Variants in ADCY9 observed in about 807,000 individuals in gnomAD.
ADCY9 encodes adenylate cyclase type 9.
A neutral mutation model predicts 101.5 loss-of-function variants in ADCY9; 50 were observed. That is an observed-to-expected ratio of 0.49 (90% CI 0.39 to 0.62). ADCY9 has a LOEUF of 0.62. ADCY9 is among the 20% of genes least tolerant of loss of function. ADCY9 has a pLI of 0.00. For missense variants in ADCY9, 1,662 were observed against 1,800.4 expected (o/e 0.92, Z 1.39); for synonymous variants, 905 against 769.3 (o/e 1.18, Z -2.92).
At chr16:3,983,044 C>G (rs758109750) in intron 7 of ADCY9, 188 bp downstream of exon 7, 2 of 627,864 alleles carry the variant, frequency 3.2e-6, no homozygotes, top group African/African-American at 1.8e-5. Flanking sequence ...CCCCCCGCAT[C>G]TGGGCCAACG....
intron 3 of ADCY9, among the ~76,000 whole-genome samples, chr16:3,999,770 G>A (rs886335783): frequency 1.3e-5 from 2 of 152,234 alleles, no homozygotes; most frequent in African/African-American, 4.8e-5. Context: ...GGGCTTTGGA[G>A]GGAAGAGTGT....
rs570362603 is a variant in ADCY9 at position 4,065,136 on chromosome 16, T to C, written c.1693+48614A>G. On this transcript the variant is annotated intron_variant, in intron 2 of 10. Coordinates refer to ENST00000294016, the MANE Select transcript of ADCY9 (RefSeq NM_001116.4). Reference sequence around the variant, plus strand: ...TCATGTGCCAGACCAGAAGCTACTATTGGAAAATGCCCCTCTCTCGTCATG... The same window carrying C: ...TCATGTGCCAGACCAGAAGCTACTACTGGAAAATGCCCCTCTCTCGTCATG... Among the ~76,000 whole-genome samples, 9 of 152,306 alleles carry C rather than the reference T, an allele frequency of 5.9e-5. No homozygotes were observed. The East Asian group carries it at 7.7e-4, about 13-fold the overall frequency.
chr16:4,007,619 T>TC, intron 2 of ADCY9, 61 bp from the exon 3 acceptor site: 2 of 1,408,532 alleles, frequency 1.4e-6, no homozygotes, highest in Non-Finnish European at 1.9e-6. Flanking sequence ...GAAACGCAGC[T>TC]CCGTCTTGCT....
chr16:4,055,392 G>A (rs2056730904), intron 2 of ADCY9, among the ~76,000 whole-genome samples: 1 of 151,794 alleles, frequency 6.6e-6, no homozygotes, highest in Non-Finnish European at 1.5e-5. Flanking sequence ...AAATTAGCTG[G>A]GCATAGTGGC....
At position 4,091,683 on chromosome 16, in the gene ADCY9, G is replaced by A. The variant is rs2141189621; in HGVS notation, c.1693+22067C>T. On this transcript the variant is annotated intron_variant, in intron 2 of 10. Transcript: ENST00000294016. Reference sequence around the variant, plus strand: ...CAACATGAATGAACCTTGGAAACATGCTGAGCGAGAGAATCCAGACACACA... The same window carrying A: ...CAACATGAATGAACCTTGGAAACATACTGAGCGAGAGAATCCAGACACACA... 2.0e-5 allele frequency among the ~76,000 whole-genome samples: 3 copies of A among 152,348 alleles called. No individual in the cohort carries two copies. The Middle Eastern group carries it at 0.01, about 518-fold the overall frequency.
At chr16:4,041,048 A>G (rs9926586) in intron 2 of ADCY9, among the ~76,000 whole-genome samples, 134,348 of 152,168 alleles carry the variant, frequency 0.88, 59,417 homozygotes, top group South Asian at 0.97. Flanking sequence ...CAGGAGATAA[A>G]GCAGAGAATC....
chr16:4,063,074 G>A, intron 2 of ADCY9, among the ~76,000 whole-genome samples: 1 of 152,146 alleles, frequency 6.6e-6, no homozygotes, highest in African/African-American at 2.4e-5. Context: ...ATATCGCATT[G>A]TCTAGAATGA....
At chr16:3,960,595 G>C (rs2055932069), downstream of ADCY9, among the ~76,000 whole-genome samples, 2 of 152,184 alleles carry the variant, frequency 1.3e-5, no homozygotes, top group South Asian at 4.1e-4. Context: ...TCTGGACAAA[G>C]TAACCATAAC....
At chr16:4,002,761 C>T (rs1284420357) in intron 3 of ADCY9, among the ~76,000 whole-genome samples, 4 of 152,220 alleles carry the variant, frequency 2.6e-5, no homozygotes, top group Non-Finnish European at 5.9e-5. Context: ...ATTGCCCAGT[C>T]TGAAGTGCAG....
At chr16:3,971,347 C>T (rs535394628) in intron 10 of ADCY9, among the ~76,000 whole-genome samples, 6 of 152,282 alleles carry the variant, frequency 3.9e-5, no homozygotes, top group African/African-American at 9.6e-5. Flanking sequence ...TATGTCTTTT[C>T]GCTGTAATCA....
intron 5 of ADCY9, among the ~76,000 whole-genome samples, chr16:3,954,521 C>T (rs2055897554): frequency 1.3e-5 from 2 of 152,166 alleles, no homozygotes; most frequent in African/African-American, 2.4e-5. Context: ...ACCTCCGGGA[C>T]TTAGTGGCAG....
intron 2 of ADCY9, among the ~76,000 whole-genome samples, chr16:4,073,752 G>T (rs1338615129): frequency 6.6e-6 from 1 of 152,156 alleles, no homozygotes; most frequent in Admixed American, 6.6e-5. Flanking sequence ...GACAAAGGCT[G>T]AGATCATTTA....
chr16:4,099,642 T>C (rs2057030018), intron 2 of ADCY9, among the ~76,000 whole-genome samples: 1 of 152,190 alleles, frequency 6.6e-6, no homozygotes, highest in African/African-American at 2.4e-5. Flanking sequence ...GGGCCCCAAA[T>C]GGGACAATCT....
chr16:3,969,569 AATATATATATATATATAT>A (rs57260468), intron 10 of ADCY9, among the ~76,000 whole-genome samples: 1,081 of 45,236 alleles, frequency 0.024, 76 homozygotes, highest in African/African-American at 0.036. Context: ...GTTTGTTTGA[AATATATATATATATATAT>A]ATATATATAT....
intron 2 of ADCY9, among the ~76,000 whole-genome samples, chr16:4,022,303 C>T (rs2056482357): frequency 6.6e-6 from 1 of 151,908 alleles, no homozygotes; most frequent in Admixed American, 6.6e-5. Flanking sequence ...ACCAGCCTGG[C>T]CAACATGGTG....
intron 2 of ADCY9, among the ~76,000 whole-genome samples, chr16:4,097,570 T>TTTTTA (rs1491020332): frequency 7.4e-6 from 1 of 135,326 alleles, no homozygotes; most frequent in Non-Finnish European, 1.6e-5. Context: ...TTTTTTTTTT[T>TTTTTA]TAAGACAGAG....
intron 2 of ADCY9, among the ~76,000 whole-genome samples, chr16:4,070,618 C>G (rs888110947): frequency 1.3e-5 from 2 of 152,048 alleles, no homozygotes; most frequent in Non-Finnish European, 2.9e-5. Flanking sequence ...GAGTTCAAGT[C>G]CAGCCTGGGC....
At chr16:4,107,958 C>T (rs1480740161) in intron 2 of ADCY9, among the ~76,000 whole-genome samples, 1 of 152,190 alleles carries the variant, frequency 6.6e-6, no homozygotes, top group Non-Finnish European at 1.5e-5. Flanking sequence ...TGCCCAAATG[C>T]ATACCAGCGG....
At chr16:4,004,475 C>G (rs1430878260) in intron 3 of ADCY9, among the ~76,000 whole-genome samples, 1 of 152,074 alleles carries the variant, frequency 6.6e-6, no homozygotes, top group Non-Finnish European at 1.5e-5. Context: ...AGGAAATAAA[C>G]CCTTCGTGGG....
Sources: allele counts gnomAD v4.1 joint callset (sites outside exome capture counted in the v4.1 genomes callset), GRCh38; gene constraint gnomAD v4.1.1; transcripts MANE v1.5; gene names NCBI Gene and HGNC (gene_info 2026-07-23, HGNC 2026-07-21).